Variants in AGBL4 observed in about 807,000 individuals in gnomAD.
The protein encoded by AGBL4 is cytosolic carboxypeptidase 6.
A neutral mutation model predicts 66.4 loss-of-function variants in AGBL4; 58 were observed. The ratio of observed to expected loss-of-function variants is 0.87; its 90% CI spans 0.71 to 1.09. The LOEUF is 1.09. AGBL4 is among the 50% of genes least tolerant of loss of function. The probability of loss-of-function intolerance (pLI) is 0.00; values close to 1 mark genes in which losing one functional copy is unlikely to be tolerated. For missense variants in AGBL4, 579 were observed against 631.0 expected, an observed-to-expected ratio of 0.92 and a Z score of 0.88; for synonymous variants, 234 against 222.9, an observed-to-expected ratio of 1.05 and a Z score of -0.44.
At chr1:49,662,038 G>C (rs1027367986) in intron 3 of AGBL4, among the ~76,000 whole-genome samples, 2 of 151,730 alleles carry the variant, frequency 1.3e-5, no homozygotes, top group Non-Finnish European at 2.9e-5. Context: ...AAGTAATCAT[G>C]CTGAGTAAAA....
Position 49,469,298 on chromosome 1 carries a change from A to G in AGBL4, c.283-223434T>C, listed in dbSNP as rs1420962680. ...AGGGAAATATCTTTTAAATTTTTTA[A>G]AATTATTTTTTCCAGTATTATATTT... On this transcript the variant is annotated intron_variant, in intron 3 of 13. Transcript: ENST00000371839. Among the ~76,000 whole-genome samples, 19 of 151,700 alleles carry G rather than the reference A, an allele frequency of 1.3e-4. No individual in the cohort carries two copies. The Admixed American group carries it at 1.3e-3, about 10-fold the overall frequency.
At chr1:49,668,652 G>A (rs561667445) in intron 3 of AGBL4, among the ~76,000 whole-genome samples, 8 of 152,246 alleles carry the variant, frequency 5.3e-5, no homozygotes, top group African/African-American at 1.4e-4. Context: ...TTACTGTAAC[G>A]AAGGAAAGAG....
intron 4 of AGBL4, among the ~76,000 whole-genome samples, chr1:49,234,329 T>C (rs1477062488): frequency 2.0e-5 from 3 of 152,162 alleles, no homozygotes; most frequent in Non-Finnish European, 4.4e-5. Flanking sequence ...GGTCTGTATA[T>C]GGGCACCTAA....
intron 7 of AGBL4, among the ~76,000 whole-genome samples, chr1:48,658,908 A>G (rs1646062822): frequency 6.6e-6 from 1 of 152,036 alleles, no homozygotes; most frequent in Non-Finnish European, 1.5e-5. Flanking sequence ...CTCCCACAAA[A>G]TAACCCTGAG....
intron 3 of AGBL4, among the ~76,000 whole-genome samples, chr1:49,637,504 T>C (rs1363016742): frequency 6.6e-6 from 1 of 152,012 alleles, no homozygotes; most frequent in Non-Finnish European, 1.5e-5. Context: ...GGTTTCACCA[T>C]GTGGGCCAGG....
intron 2 of AGBL4, among the ~76,000 whole-genome samples, chr1:49,702,709 A>C (rs772189833): frequency 6.6e-6 from 1 of 152,272 alleles, no homozygotes; most frequent in East Asian, 1.9e-4. Flanking sequence ...AGAAATACTA[A>C]CAAACTGAAT....
At position 48,738,989 on chromosome 1, in the gene AGBL4, A is replaced by C. The variant is rs1649492524; in HGVS notation, c.635-75748T>G. On this transcript the variant is annotated intron_variant, in intron 6 of 13. Transcript: ENST00000371839. ...TACACAATCAGTCAATTTTGGAATC[A>C]AGATTCAAACCCAAATCCTGAAGCT... is the stretch of plus-strand genomic sequence containing the variant. 2.6e-5 allele frequency among the ~76,000 whole-genome samples: 4 copies of C among 152,230 alleles called. No individual in the cohort carries two copies. In the South Asian group the frequency reaches 6.2e-4, roughly 24 times the overall value.
At chr1:49,536,975 C>A (rs1246019326) in intron 3 of AGBL4, among the ~76,000 whole-genome samples, 1 of 151,788 alleles carries the variant, frequency 6.6e-6, no homozygotes, top group Non-Finnish European at 1.5e-5. Flanking sequence ...CCATTGCACT[C>A]CAGCCTGGGC....
chr1:49,977,400 C>G (rs1232458077), intron 1 of AGBL4, among the ~76,000 whole-genome samples: 2 of 152,210 alleles, frequency 1.3e-5, no homozygotes, highest in African/African-American at 4.8e-5. Context: ...TTACACTATT[C>G]TACTTTTATA....
At chr1:48,785,144 C>T (rs543167165) in intron 6 of AGBL4, among the ~76,000 whole-genome samples, 2 of 152,290 alleles carry the variant, frequency 1.3e-5, no homozygotes, top group South Asian at 4.1e-4. Flanking sequence ...AGCTCCAGTC[C>T]TTCTTACACA....
intron 2 of AGBL4, among the ~76,000 whole-genome samples, chr1:49,783,239 A>G (rs768972760): frequency 3.3e-5 from 5 of 152,226 alleles, no homozygotes; most frequent in Non-Finnish European, 1.5e-5. Flanking sequence ...AAATATCACC[A>G]GAAAAGAAAA....
At chr1:48,615,169 G>A (rs1645298274) in intron 9 of AGBL4, among the ~76,000 whole-genome samples, 1 of 152,178 alleles carries the variant, frequency 6.6e-6, no homozygotes, top group African/African-American at 2.4e-5. Context: ...CCTTCTGGGA[G>A]AGGAACAGGC....
chr1:49,739,987 G>C (rs544616332), intron 2 of AGBL4, among the ~76,000 whole-genome samples: 1 of 152,138 alleles, frequency 6.6e-6, no homozygotes, highest in Non-Finnish European at 1.5e-5. Context: ...GGAAGAAACT[G>C]CATCAACTAA....
At chr1:49,437,125 G>C (rs949617230) in intron 3 of AGBL4, among the ~76,000 whole-genome samples, 2 of 152,188 alleles carry the variant, frequency 1.3e-5, no homozygotes, top group African/African-American at 4.8e-5. Context: ...TCATGGGAGA[G>C]TTGGAGTTGA....
At chr1:48,879,393 T>C (rs1249475781) in intron 5 of AGBL4, among the ~76,000 whole-genome samples, 1 of 152,036 alleles carries the variant, frequency 6.6e-6, no homozygotes. Flanking sequence ...AAAAGAAGTT[T>C]TGAAAAACAA....
intron 3 of AGBL4, among the ~76,000 whole-genome samples, chr1:49,661,346 A>G (rs1427578323): frequency 6.6e-6 from 1 of 151,980 alleles, no homozygotes; most frequent in Non-Finnish European, 1.5e-5. Context: ...CCAATGTTGG[A>G]ATTGGGCTTA....
chr1:48,528,967 C>A (rs944085976), downstream of AGBL4, among the ~76,000 whole-genome samples: 3 of 152,026 alleles, frequency 2.0e-5, no homozygotes, highest in Non-Finnish European at 4.4e-5. Flanking sequence ...TCATGTTCAA[C>A]ACTGTCTTCC....
intron 7 of AGBL4, among the ~76,000 whole-genome samples, chr1:48,660,195 CAG>C (rs1432253101): frequency 6.6e-6 from 1 of 152,196 alleles, no homozygotes; most frequent in Non-Finnish European, 1.5e-5. Context: ...CACCAACAAG[CAG>C]AGTCTTGAGG....
chr1:49,431,489 G>A (rs1021597647), intron 3 of AGBL4, among the ~76,000 whole-genome samples: 2 of 152,000 alleles, frequency 1.3e-5, no homozygotes, highest in South Asian at 4.2e-4. Flanking sequence ...AAAGACAAAC[G>A]CTGGTGTCCT....
Sources: gnomAD v4.1 joint callset for allele counts (sites outside exome capture counted in the v4.1 genomes callset) on GRCh38, gnomAD v4.1.1 for gene constraint, MANE v1.5 for transcripts, NCBI Gene and HGNC (gene_info 2026-07-23, HGNC 2026-07-21) for gene names.